RBFOX1: variants seen among roughly 807,000 people sequenced by gnomAD.
RBFOX1 encodes the protein RNA binding protein fox-1 homolog 1.
Under a neutral mutation model 57.7 loss-of-function variants are expected in RBFOX1, and 8 were observed. The observed-to-expected ratio is 0.14, with a 90% CI of 0.08 to 0.25. The LOEUF (loss-of-function observed/expected upper bound fraction) is 0.25, where lower values mean the gene tolerates loss of function less well. Ranked by LOEUF, RBFOX1 falls within the 10% of genes least tolerant of loss-of-function variation. RBFOX1 has a pLI of 1.00. For synonymous variants in RBFOX1, 326 were observed against 222.4 expected, an observed-to-expected ratio of 1.47 and a Z score of -4.15; for missense variants, 611 against 548.5, an observed-to-expected ratio of 1.11 and a Z score of -1.14.
chr16:7,385,505 T>C (rs17143528), intron 4 of RBFOX1, among the ~76,000 whole-genome samples: 1,941 of 152,170 alleles, frequency 0.013, 37 homozygotes, highest in African/African-American at 0.043. Flanking sequence ...GTATCTCAAA[T>C]AGAAAGTAGT....
intron 3 of RBFOX1, among the ~76,000 whole-genome samples, chr16:6,676,026 G>T (rs190339184): frequency 1.3e-5 from 2 of 152,022 alleles, no homozygotes; most frequent in African/African-American, 4.8e-5. Flanking sequence ...AAGGAAAAGA[G>T]GTCCTCAAAA....
chr16:5,286,411 G>A (rs964988604), intron 1 of RBFOX1, among the ~76,000 whole-genome samples: 1 of 152,188 alleles, frequency 6.6e-6, no homozygotes, highest in African/African-American at 2.4e-5. Context: ...AGGCCTCTCA[G>A]TAGTAAGTGT....
chr16:6,771,193 G>A (rs939146465), intron 3 of RBFOX1, among the ~76,000 whole-genome samples: 1 of 152,178 alleles, frequency 6.6e-6, no homozygotes, highest in Non-Finnish European at 1.5e-5. Context: ...AGAGGCTTCA[G>A]AAGAAACCAA....
At chr16:5,477,259 T>A (rs2069360120) in intron 2 of RBFOX1, among the ~76,000 whole-genome samples, 1 of 152,196 alleles carries the variant, frequency 6.6e-6, no homozygotes, top group South Asian at 2.1e-4. Context: ...GTATTTTTTT[T>A]CCTAGCCACA....
chr16:6,089,753 C>T (rs1363624557), intron 1 of RBFOX1, among the ~76,000 whole-genome samples: 2 of 152,052 alleles, frequency 1.3e-5, no homozygotes, highest in East Asian at 3.9e-4. Flanking sequence ...AAAGATTGGC[C>T]AATATTAGAG....
chr16:6,642,533 C>T (rs181158475), intron 2 of RBFOX1, among the ~76,000 whole-genome samples: 1 of 152,036 alleles, frequency 6.6e-6, no homozygotes, highest in Non-Finnish European at 1.5e-5. Flanking sequence ...CACGCCAGCT[C>T]TGCTTGTCTG....
At chr16:5,618,329 ATTTTTT>A (rs71142632) in intron 3 of RBFOX1, among the ~76,000 whole-genome samples, 1 of 149,622 alleles carries the variant, frequency 6.7e-6, no homozygotes. Flanking sequence ...ATGGCTGCAG[ATTTTTT>A]TTTTTTGTGT....
intron 4 of RBFOX1, among the ~76,000 whole-genome samples, chr16:5,897,856 A>G (rs1447402955): frequency 6.7e-6 from 1 of 148,430 alleles, no homozygotes; most frequent in Non-Finnish European, 1.5e-5. Context: ...TTTTGAGCAG[A>G]CTAGTTTCAC....
intron 4 of RBFOX1, among the ~76,000 whole-genome samples, chr16:5,982,100 C>T (rs142123638): frequency 6.6e-6 from 1 of 152,130 alleles, no homozygotes; most frequent in African/African-American, 2.4e-5. Flanking sequence ...GGCACAGGGC[C>T]AGAAGCCTTA....
intron 4 of RBFOX1, among the ~76,000 whole-genome samples, chr16:5,918,316 C>A (rs954781119): frequency 6.6e-6 from 1 of 152,150 alleles, no homozygotes; most frequent in Non-Finnish European, 1.5e-5. Context: ...GACGGGGTTT[C>A]ACCATGTTGG....
chr16:6,756,466 GGACTATA>G, intron 3 of RBFOX1, among the ~76,000 whole-genome samples: 1 of 152,132 alleles, frequency 6.6e-6, no homozygotes, highest in East Asian at 1.9e-4. Context: ...TATACAAATA[GGACTATA>G]TTAGACTAAA....
chr16:7,211,880 A>G (rs1163087337), intron 4 of RBFOX1, among the ~76,000 whole-genome samples: 1 of 152,190 alleles, frequency 6.6e-6, no homozygotes, highest in Admixed American at 6.5e-5. Context: ...CAAGCAAAAT[A>G]AAATTAGAAA....
chr16:7,493,109 C>T (rs1465571151), intron 4 of RBFOX1, among the ~76,000 whole-genome samples: 1 of 152,116 alleles, frequency 6.6e-6, no homozygotes, highest in Admixed American at 6.5e-5. Context: ...AAACTCCTGA[C>T]CTTAGGGGAT....
intron 1 of RBFOX1, among the ~76,000 whole-genome samples, chr16:6,212,665 C>G (rs1406100574): frequency 6.6e-6 from 1 of 152,208 alleles, no homozygotes; most frequent in East Asian, 1.9e-4. Context: ...TGAGATCGTG[C>G]CACTGCACTC....
At chr16:7,014,353 C>T (rs901639141) in intron 3 of RBFOX1, among the ~76,000 whole-genome samples, 3 of 152,006 alleles carry the variant, frequency 2.0e-5, no homozygotes, top group Non-Finnish European at 4.4e-5. Context: ...GCCAGGATTA[C>T]AGTCATGCAT....
At chr16:6,843,641 A>G (rs892853789) in intron 3 of RBFOX1, among the ~76,000 whole-genome samples, 4 of 152,196 alleles carry the variant, frequency 2.6e-5, no homozygotes, top group African/African-American at 4.8e-5. Context: ...GTGAGCCGAC[A>G]TCGCGCCACC....
chr16:6,870,959 T>A (rs2060761652), intron 3 of RBFOX1, among the ~76,000 whole-genome samples: 1 of 152,200 alleles, frequency 6.6e-6, no homozygotes, highest in Admixed American at 6.5e-5. Context: ...CATATTCCTG[T>A]AGACCTGGAT....
At chr16:7,077,344 A>G (rs73538793) in intron 4 of RBFOX1, among the ~76,000 whole-genome samples, 6,418 of 152,252 alleles carry the variant, frequency 0.042, 443 homozygotes, top group African/African-American at 0.14. Context: ...GCAAACTGCA[A>G]TGAGTTTTAC....
chr16:5,775,197 A>C (rs1312512146), intron 3 of RBFOX1, among the ~76,000 whole-genome samples: 1 of 152,122 alleles, frequency 6.6e-6, no homozygotes, highest in East Asian at 1.9e-4. Flanking sequence ...GGAATACCCT[A>C]ACGGGGGACA....
Sources: allele counts gnomAD v4.1 joint callset (sites outside exome capture counted in the v4.1 genomes callset), GRCh38; gene constraint gnomAD v4.1.1; transcripts MANE v1.5; gene names NCBI Gene and HGNC (gene_info 2026-07-23, HGNC 2026-07-21).